The following SPTY2D1 variants were observed in gnomAD, a reference collection of about 807,000 sequenced individuals.
The protein encoded by SPTY2D1 is protein SPT2 homolog.
SPTY2D1 carries 21 observed loss-of-function variants against 64.0 expected under a neutral mutation model. The observed-to-expected ratio is 0.33, with a 90% confidence interval of 0.23 to 0.47. SPTY2D1 has a LOEUF of 0.47. Among genes scored for constraint, SPTY2D1 ranks in the 20% least tolerant of loss-of-function variants. The pLI is 1.00. For missense variants in SPTY2D1, 724 were observed against 837.2 expected (o/e 0.86, Z 1.67); for synonymous variants, 287 against 286.8 (o/e 1.00, Z -0.01).
chr11:18,626,662 A>AG (rs1458037997), intron 1 of SPTY2D1, among the ~76,000 whole-genome samples: 1 of 152,240 alleles, frequency 6.6e-6, no homozygotes, highest in African/African-American at 2.4e-5. Flanking sequence ...TACGGGCCTC[A>AG]GTTTCCTCAT....
intron 1 of SPTY2D1, among the ~76,000 whole-genome samples, chr11:18,625,224 T>A (rs1471292033): frequency 2.0e-5 from 3 of 152,180 alleles, no homozygotes; most frequent in African/African-American, 7.2e-5. Flanking sequence ...AGAAAGAAAG[T>A]AGGCCTGGAA....
At chr11:18,622,101 A>AAAAAAC (rs71050618) in intron 1 of SPTY2D1, among the ~76,000 whole-genome samples, 2 of 81,282 alleles carry the variant, frequency 2.5e-5, no homozygotes, top group Non-Finnish European at 5.7e-5. Flanking sequence ...AAAAAAAAAA[A>AAAAAAC]AAACCAAAAC....
chr11:18,611,754 A>C (rs1340466943), intron 4 of SPTY2D1, among the ~76,000 whole-genome samples, 200 bp from the exon 5 acceptor site: 1 of 152,206 alleles, frequency 6.6e-6, no homozygotes, highest in Non-Finnish European at 1.5e-5. Flanking sequence ...ATAAGCCCTT[A>C]TTACCCTCAG....
At chr11:18,628,251 C>A (rs1900329) in intron 1 of SPTY2D1, among the ~76,000 whole-genome samples, 148,481 of 152,348 alleles carry the variant, frequency 0.97, 72,481 homozygotes, top group East Asian at 1. Flanking sequence ...AGATCTCTCC[C>A]TTTTGGAGTA....
Position 18,614,723 on chromosome 11 carries a change from G to A in SPTY2D1, c.1551C>T (p.Ser517=), listed in dbSNP as rs746383233. Residue 517 remains serine, a synonymous_variant, in exon 3 of 6, where the codon AGC becomes AGT. Transcript: ENST00000336349. Reference sequence around the variant, plus strand: ...TACTAACTGTTTGCCCAGGTCCCAAGCTGCTCACTGGTCTTCCTGGGACTG... The same window carrying A: ...TACTAACTGTTTGCCCAGGTCCCAAACTGCTCACTGGTCTTCCTGGGACTG... The part of the protein sequence containing the change: ...SNSVPGRPVS[S]LGPGQTVSSS... 1.8e-5 allele frequency: 29 copies of A among 1,614,196 alleles called. No individual in the cohort carries two copies. The highest frequency in any genetic ancestry group is 2.5e-5 in the Non-Finnish European group (29 of 1,179,994).
intron 1 of SPTY2D1, 130 bp downstream of exon 1, chr11:18,634,068 A>G: frequency 1.0e-6 from 1 of 992,528 alleles, no homozygotes; most frequent in Non-Finnish European, 1.5e-6. Flanking sequence ...ACCCAAGAAA[A>G]GGAAATAAGG....
intron 1 of SPTY2D1, among the ~76,000 whole-genome samples, chr11:18,630,007 A>T (rs1854560936): frequency 1.3e-5 from 2 of 151,420 alleles, no homozygotes; most frequent in Admixed American, 6.6e-5. Context: ...CATCTCTACT[A>T]AAAATACAAA....
chr11:18,613,936 C>T (rs1274595405), intron 3 of SPTY2D1, among the ~76,000 whole-genome samples: 1 of 152,138 alleles, frequency 6.6e-6, no homozygotes, highest in African/African-American at 2.4e-5. Flanking sequence ...TACCCTGATC[C>T]TTGAAGACAG....
chr11:18,616,124 T>C (rs1760496720), intron 2 of SPTY2D1, 26 bp from the exon 3 acceptor site: 1 of 1,551,730 alleles, frequency 6.4e-7, no homozygotes, highest in Non-Finnish European at 8.7e-7. Flanking sequence ...CAAGAATATG[T>C]TATTACTTCG....
intron 1 of SPTY2D1, among the ~76,000 whole-genome samples, chr11:18,628,791 A>T (rs73424463): frequency 0.021 from 3,212 of 152,314 alleles, 44 homozygotes; most frequent in African/African-American, 0.04. Context: ...ACCTGCAGAA[A>T]AAAGACATCT....
chr11:18,622,304 A>AG (rs1854424614), intron 1 of SPTY2D1, among the ~76,000 whole-genome samples: 1 of 151,874 alleles, frequency 6.6e-6, no homozygotes, highest in Non-Finnish European at 1.5e-5. Context: ...CTGAGGTGGA[A>AG]GGACTGATTG....
At chr11:18,631,089 T>G (rs942326295) in intron 1 of SPTY2D1, among the ~76,000 whole-genome samples, 4 of 152,200 alleles carry the variant, frequency 2.6e-5, no homozygotes, top group Non-Finnish European at 5.9e-5. Flanking sequence ...TCTGCCCACC[T>G]TGGCCTCCCA....
intron 1 of SPTY2D1, among the ~76,000 whole-genome samples, chr11:18,625,604 C>T (rs557935013): frequency 4.6e-5 from 7 of 151,794 alleles, no homozygotes; most frequent in East Asian, 1.9e-4. Flanking sequence ...GTCACCCAGG[C>T]GGCTGGAGTA....
At position 18,612,265 on chromosome 11, in the gene SPTY2D1, C is replaced by G. The variant is rs1480614603; in HGVS notation, c.1886+49G>C. 6.8e-7 allele frequency: 1 copy of G among 1,473,670 alleles called. No homozygotes were observed. The highest frequency in any genetic ancestry group is 2.3e-5 in the East Asian group (1 of 43,504). 91.3% of individuals were successfully genotyped at this position (1,473,670 alleles called of 1,614,324 possible). A position where few individuals can be genotyped will look rare whatever the true frequency, so the allele number is the denominator to read the frequency against. ...TTATTACCCCATGACATGAATTATT[C>G]AAAATAAAAAAAGGATGTCATAGTT... On this transcript the variant is annotated intron_variant, in intron 4 of 5. Coordinates refer to ENST00000336349, the MANE Select transcript of SPTY2D1 (RefSeq NM_194285.3). The surrounding 1 kb of genome is among the most constrained non-coding windows in gnomAD (Gnocchi z 4.6).
rs192168932 is a variant in SPTY2D1 at position 18,608,907 on chromosome 11, T to C, written c.*954A>G. On this transcript the variant is annotated 3_prime_UTR_variant, in exon 6 of 6. Coordinates refer to ENST00000336349, the MANE Select transcript of SPTY2D1 (RefSeq NM_194285.3). ...TCTGCCATTAATATTTGCTAACAAA[T>C]TCAAGCTAAAAAATGAAGTCATTAA... 1 of 151,160 alleles carries C rather than the reference T, an allele frequency of 6.6e-6. No homozygotes were observed. The highest frequency in any genetic ancestry group is 1.5e-5 in the Non-Finnish European group (1 of 67,162). 9.4% of individuals were successfully genotyped at this position (151,160 alleles called of 1,614,324 possible).
At position 18,615,995 on chromosome 11, in the gene SPTY2D1, G is replaced by A; in HGVS notation, c.279C>T (p.Phe93=). 1 of 1,614,138 alleles carries A rather than the reference G, an allele frequency of 6.2e-7. No homozygotes were observed. Among genetic ancestry groups the A allele is most frequent in the Non-Finnish European group, 8.5e-7 (1 of 1,180,044 alleles). The change falls in exon 3 of 6, where the codon TTC becomes TTT. Residue 93 remains phenylalanine, a synonymous_variant. Transcript: ENST00000336349. Reference sequence around the variant, plus strand: ...CAATAGGAATCCCATTGTAACCATGGAAATTATCCTTTGTCCTCTTGGCCA... The same window carrying A: ...CAATAGGAATCCCATTGTAACCATGAAAATTATCCTTTGTCCTCTTGGCCA... The part of the protein sequence containing the change: ...RAMAKRTKDN[F]HGYNGIPIEE...
At chr11:18,617,548 C>T (rs1854319037) in intron 1 of SPTY2D1, among the ~76,000 whole-genome samples, 1 of 145,110 alleles carries the variant, frequency 6.9e-6, no homozygotes, top group East Asian at 2.0e-4. Context: ...ATTGCTTGAA[C>T]CCGGGAGGCA....
chr11:18,627,795 C>T (rs1346268009), intron 1 of SPTY2D1, among the ~76,000 whole-genome samples: 1 of 151,900 alleles, frequency 6.6e-6, no homozygotes, highest in African/African-American at 2.4e-5. Flanking sequence ...AGGAGAATGG[C>T]GTGAGCCCGC....
chr11:18,624,978 G>A (rs1190862454), intron 1 of SPTY2D1, among the ~76,000 whole-genome samples: 8 of 152,086 alleles, frequency 5.3e-5, no homozygotes, highest in Non-Finnish European at 1.0e-4. Flanking sequence ...CAGCCTGGGC[G>A]ACAGAGCGAG....
Sources: allele counts gnomAD v4.1 joint callset (sites outside exome capture counted in the v4.1 genomes callset), GRCh38; gene constraint gnomAD v4.1.1; non-coding constraint Gnocchi (gnomAD v3.1); transcripts MANE v1.5; gene names NCBI Gene and HGNC (gene_info 2026-07-23, HGNC 2026-07-21).